Variants in BRINP1 observed in about 807,000 individuals in gnomAD.
The protein encoded by BRINP1 is BMP/retinoic acid-inducible neural-specific protein 1.
Under a neutral mutation model 72.9 loss-of-function variants are expected in BRINP1, and 17 were observed. The ratio of observed to expected loss-of-function variants is 0.23; its 90% CI spans 0.16 to 0.35. The LOEUF (loss-of-function observed/expected upper bound fraction) is 0.35, where lower values mean the gene tolerates loss of function less well. Ranked by LOEUF, BRINP1 falls within the 10% of genes least tolerant of loss-of-function variation. The pLI is 1.00. For missense variants in BRINP1, 850 were observed against 1,001.6 expected (o/e 0.85, Z 2.04); for synonymous variants, 418 against 378.5 (o/e 1.10, Z -1.21).
chr9:119,201,883 C>A (rs1043014233), intron 7 of BRINP1, among the ~76,000 whole-genome samples: 1 of 152,056 alleles, frequency 6.6e-6, no homozygotes, highest in Non-Finnish European at 1.5e-5. Flanking sequence ...TTTTCTTCCT[C>A]CCTCCCTTCC....
At chr9:119,198,073 T>G (rs1829758962) in intron 7 of BRINP1, among the ~76,000 whole-genome samples, 1 of 152,228 alleles carries the variant, frequency 6.6e-6, no homozygotes, top group Admixed American at 6.5e-5. Context: ...GTATGGTTTA[T>G]GCAGGAACAC....
At chr9:119,179,597 A>G (rs1032955909) in intron 7 of BRINP1, among the ~76,000 whole-genome samples, 1 of 152,170 alleles carries the variant, frequency 6.6e-6, no homozygotes, top group Non-Finnish European at 1.5e-5. Context: ...TTTCTACATC[A>G]TGGCAGTTAC....
At chr9:119,333,117 G>A (rs1831315774) in intron 1 of BRINP1, among the ~76,000 whole-genome samples, 1 of 151,648 alleles carries the variant, frequency 6.6e-6, no homozygotes, top group African/African-American at 2.4e-5. Context: ...CCCAAGCTAT[G>A]TGTCTTTAAT....
intron 7 of BRINP1, among the ~76,000 whole-genome samples, chr9:119,189,374 G>A (rs62568659): frequency 6.6e-6 from 1 of 152,040 alleles, no homozygotes; most frequent in Non-Finnish European, 1.5e-5. Context: ...ACATAGAGTG[G>A]CTGAGTAGAT....
In BRINP1 at chr9:119,263,601, CTTTTTTT is replaced by C. The variant is rs386416080; in HGVS notation, c.219-14458_219-14452del. ...CTTATAAAATACCCAGTAAACAATT[CTTTTTTT>C]TTTTTTTTTTTTTTTTTGAGACAGA... On this transcript the variant is annotated intron_variant, in intron 2 of 7. Transcript: ENST00000265922. Among the ~76,000 whole-genome samples, 50 of 78,560 alleles carry C rather than the reference CTTTTTTT, an allele frequency of 6.4e-4. No homozygotes were observed. In the East Asian group the frequency reaches 0.014, roughly 23 times the overall value. 51.5% of individuals were successfully genotyped at this position (78,560 alleles called of 152,430 possible). A position where few individuals can be genotyped will look rare whatever the true frequency, so the allele number is the denominator to read the frequency against.
intron 7 of BRINP1, among the ~76,000 whole-genome samples, chr9:119,176,898 T>C (rs894862730): frequency 2.0e-5 from 3 of 152,134 alleles, no homozygotes; most frequent in Non-Finnish European, 4.4e-5. Flanking sequence ...GCGGAATAAT[T>C]AGTGGGCTCC....
chr9:119,313,459 A>C, intron 1 of BRINP1, 54 bp from the exon 2 acceptor site: 1 of 1,451,086 alleles, frequency 6.9e-7, no homozygotes, highest in Non-Finnish European at 9.1e-7. Flanking sequence ...CAAAAGAGAG[A>C]GAGGAGAGGG....
chr9:119,345,353 C>T (rs1183075601), intron 1 of BRINP1, among the ~76,000 whole-genome samples: 1 of 152,158 alleles, frequency 6.6e-6, no homozygotes, highest in Non-Finnish European at 1.5e-5. Context: ...AATTCTATTT[C>T]TGGATGTCTC....
chr9:119,272,680 T>C (rs1408642062), intron 2 of BRINP1, among the ~76,000 whole-genome samples: 1 of 152,134 alleles, frequency 6.6e-6, no homozygotes. Flanking sequence ...AGGCATTTTA[T>C]TTCCACACCA....
At chr9:119,358,390 A>T (rs1168160009) in intron 1 of BRINP1, among the ~76,000 whole-genome samples, 9 of 25,890 alleles carry the variant, frequency 3.5e-4, no homozygotes, top group African/African-American at 1.1e-3. Flanking sequence ...TATGTATTAA[A>T]AAAAAAAAAA....
intron 7 of BRINP1, among the ~76,000 whole-genome samples, chr9:119,168,530 T>G (rs1449101071): frequency 8.0e-6 from 1 of 124,998 alleles, no homozygotes; most frequent in Non-Finnish European, 1.9e-5. Flanking sequence ...CATTATACAC[T>G]AGTCCCAGAA....
chr9:119,176,879 G>GA (rs1466884817), intron 7 of BRINP1, among the ~76,000 whole-genome samples: 1 of 152,050 alleles, frequency 6.6e-6, no homozygotes, highest in Non-Finnish European at 1.5e-5. Flanking sequence ...TATCGGCTGG[G>GA]AAAAAATGGC....
chr9:119,178,316 A>G (rs1329980370), intron 7 of BRINP1, among the ~76,000 whole-genome samples: 5 of 152,144 alleles, frequency 3.3e-5, no homozygotes, highest in Non-Finnish European at 7.4e-5. Flanking sequence ...GGGGGCAGAG[A>G]GGTAAAGCAA....
rs1564228707 is a variant in BRINP1, at chr9:119,250,080, GAAA to G, written c.219-933_219-931del. 1.4e-3 allele frequency among the ~76,000 whole-genome samples: 124 copies of G among 86,918 alleles called. 1 individual carries two copies. The highest frequency in any genetic ancestry group is 2.0e-3 in the Admixed American group (15 of 7,380). The allele number at this position is 86,918 out of a possible 152,430, so 57.0% of individuals were successfully genotyped here. A position where few individuals can be genotyped will look rare whatever the true frequency, so the allele number is the denominator to read the frequency against. On this transcript the variant is annotated intron_variant, in intron 2 of 7. Transcript: ENST00000265922. ...AGGGAGGGAAGAAGGAAGGAAGGAAGAAAGGAAGGAAGGAAGGAAGAAAAGGAA... is the reference window on the plus strand; with the variant it reads ...AGGGAGGGAAGAAGGAAGGAAGGAAGGGAAGGAAGGAAGGAAGAAAAGGAA...
At chr9:119,302,341 T>C (rs571087654) in intron 2 of BRINP1, among the ~76,000 whole-genome samples, 6 of 152,194 alleles carry the variant, frequency 3.9e-5, no homozygotes, top group Non-Finnish European at 7.3e-5. Flanking sequence ...GTAAATGTGA[T>C]TAAGAATAAA....
At chr9:119,200,706 T>C (rs1440612483) in intron 7 of BRINP1, among the ~76,000 whole-genome samples, 2 of 151,290 alleles carry the variant, frequency 1.3e-5, no homozygotes, top group East Asian at 3.9e-4. Context: ...GAACTTGGGT[T>C]CAATTGGAAA....
intron 2 of BRINP1, among the ~76,000 whole-genome samples, chr9:119,281,457 G>A (rs1376385607): frequency 2.0e-5 from 3 of 152,044 alleles, no homozygotes; most frequent in Non-Finnish European, 4.4e-5. Context: ...GACAGAGAGA[G>A]TAAAAGTAAA....
At chr9:119,245,819 G>A (rs1189390420) in intron 3 of BRINP1, among the ~76,000 whole-genome samples, 1 of 152,122 alleles carries the variant, frequency 6.6e-6, no homozygotes, top group Non-Finnish European at 1.5e-5. Context: ...AATGAACACA[G>A]TGGTCTTAGA....
intron 2 of BRINP1, 68 bp from the exon 3 acceptor site, chr9:119,249,218 C>T: frequency 2.0e-6 from 3 of 1,468,372 alleles, no homozygotes; most frequent in Non-Finnish European, 2.8e-6. Context: ...GTCCACCCAA[C>T]CATCCATCCA....
Sources: allele counts gnomAD v4.1 joint callset (sites outside exome capture counted in the v4.1 genomes callset), GRCh38; gene constraint gnomAD v4.1.1; transcripts MANE v1.5; gene names NCBI Gene and HGNC (gene_info 2026-07-23, HGNC 2026-07-21).